Variants in SAMD11 observed in about 807,000 individuals in gnomAD.
The protein encoded by SAMD11 is sterile alpha motif domain-containing protein 11.
Under a neutral mutation model 64.4 loss-of-function variants are expected in SAMD11, and 77 were observed. The ratio of observed to expected loss-of-function variants is 1.20; its 90% CI spans 0.99 to 1.44. The LOEUF is 1.44. Among genes scored for constraint, SAMD11 ranks in the 40% most tolerant of loss-of-function variants. The pLI is 0.00. For missense variants in SAMD11, 1,402 were observed against 943.3 expected, an observed-to-expected ratio of 1.49 and a Z score of -6.37; for synonymous variants, 658 against 421.9, an observed-to-expected ratio of 1.56 and a Z score of -6.86.
At chr1:931,118 G>C (rs2100309926) in intron 4 of SAMD11, 29 bp downstream of exon 4, 2 of 1,606,358 alleles carry the variant, frequency 1.2e-6, no homozygotes, top group South Asian at 1.1e-5. Flanking sequence ...GTGCATAAGA[G>C]GGGGCCGTGA....
At position 943,799 on chromosome 1, in the gene SAMD11, C is replaced by A. The variant is rs1044227669; in HGVS notation, c.2280C>A (p.Ile760=). ...TGAAGCTGGGGCCCGCCCTCAAGAT[C>A]CGGGCCCAGGTGAGACGCTGGGGAG... The part of the protein sequence containing the change: ...MGLKLGPALK[I]RAQVARRLGR... Residue 760 remains isoleucine (I), a synonymous_variant, in exon 13 of 14, where the codon ATC becomes ATA. Transcript: ENST00000616016. 3.7e-6 allele frequency: 6 copies of A among 1,612,840 alleles called. No homozygotes were observed. Among genetic ancestry groups the A allele is most frequent in the Non-Finnish European group, 5.1e-6 (6 of 1,179,984 alleles).
At chr1:940,963 T>G in intron 7 of SAMD11, 181 bp from the exon 8 acceptor site, 1 of 525,940 alleles carries the variant, frequency 1.9e-6, no homozygotes, top group Non-Finnish European at 3.3e-6. Context: ...CCCAGCATCT[T>G]GTCTGCCGTC....
At position 943,678 on chromosome 1, in the gene SAMD11, T is replaced by TC. The variant is rs1557611971; in HGVS notation, c.2179-17dup. The stretch of plus-strand genomic sequence containing the variant: ...TGGAGCAGCACCCGGGTCCTGACCC[T>TC]CCCTCCCTCCCCCTTCCAGGTCTTC... On this transcript the variant is annotated intron_variant, in intron 12 of 13. Coordinates refer to ENST00000616016, the MANE Select transcript of SAMD11 (RefSeq NM_001385641.1). 2.1e-5 allele frequency: 25 copies of TC among 1,194,598 alleles called. No individual in the cohort carries two copies. Among genetic ancestry groups the TC allele is most frequent in the Non-Finnish European group, 1.4e-5 (12 of 861,924 alleles). 74.0% of individuals were successfully genotyped at this position (1,194,598 alleles called of 1,614,324 possible).
rs1381099827 is a variant in SAMD11, at chr1:930,158, C to T, written c.613C>T (p.Arg205Trp). Reference sequence around the variant, plus strand: ...TCCTCTCCTCCTGCCCCACCAGAACCGGGGGCGGCTGGCAGACAAGAGGAC... The same window carrying T: ...TCCTCTCCTCCTGCCCCACCAGAACTGGGGGCGGCTGGCAGACAAGAGGAC... ...PGCRISSPVN[R>W]GRLADKRTVA... The change falls in exon 3 of 14, where the codon CGG (arginine) becomes TGG (tryptophan). Residue 205 changes from arginine (R) to tryptophan (W), a missense_variant. Coordinates refer to ENST00000616016, the MANE Select transcript of SAMD11 (RefSeq NM_001385641.1). 19 of 1,555,374 alleles carry T rather than the reference C, an allele frequency of 1.2e-5. No homozygotes were observed. The highest frequency in any genetic ancestry group is 4.7e-5 in the South Asian group (4 of 84,542).
Position 944,483 on chromosome 1 carries a change from A to T in SAMD11, c.*330A>T. 3 of 685,276 alleles carry T rather than the reference A, an allele frequency of 4.4e-6. No individual in the cohort carries two copies. 42.4% of individuals were successfully genotyped at this position (685,276 alleles called of 1,614,324 possible). Reference sequence around the variant, plus strand: ...CGCGGAGCTGACTTCAGCAGCCCACAGCTGTGGGGCTTCAGCAGCCACACC... The same window carrying T: ...CGCGGAGCTGACTTCAGCAGCCCACTGCTGTGGGGCTTCAGCAGCCACACC... On this transcript the variant is annotated 3_prime_UTR_variant, in exon 14 of 14. Transcript: ENST00000616016.
At chr1:942,029 G>A (rs1440200291) in intron 8 of SAMD11, 107 bp from the exon 9 acceptor site, 1 of 434,842 alleles carries the variant, frequency 2.3e-6, no homozygotes, top group Non-Finnish European at 4.1e-6. Context: ...GCTGCGCATC[G>A]ACCGCCCGCG....
At position 941,293 on chromosome 1, in the gene SAMD11, T is replaced by C; in HGVS notation, c.1345T>C (p.Ser449Pro). 1 of 1,589,462 alleles carries C rather than the reference T, an allele frequency of 6.3e-7. No individual in the cohort carries two copies. Among genetic ancestry groups the C allele is most frequent in the Middle Eastern group, 1.8e-4 (1 of 5,512 alleles). ...REGAAPAAAP[S>P]FSERELPQPP... The stretch of plus-strand genomic sequence containing the variant: ...GGGCGCCGCCCCAGCTGCCGCCCCG[T>C]CCTTCTCGGAGAGGTACTGGGGTGG... The change falls in exon 8 of 14, where the codon TCC (serine) becomes CCC (proline). Residue 449 changes from serine to proline, a missense_variant. Physicochemically the swap from Ser to Pro is moderately conservative, Grantham distance 74. Coordinates refer to ENST00000616016, the MANE Select transcript of SAMD11 (RefSeq NM_001385641.1).
Position 944,291 on chromosome 1 carries a change from G to C in SAMD11, c.*138G>C, listed in dbSNP as rs541154315. ...TTTTAAAAGAAAATGTGACTTCAAA[G>C]GAAAGGAACAAATTTTCAAAGACTT... On this transcript the variant is annotated 3_prime_UTR_variant, in exon 14 of 14. Transcript: ENST00000616016. 4 of 1,418,474 alleles carry C rather than the reference G, an allele frequency of 2.8e-6. No homozygotes were observed. Among genetic ancestry groups the C allele is most frequent in the East Asian group, 2.6e-5 (1 of 37,946 alleles). 87.9% of individuals were successfully genotyped at this position (1,418,474 alleles called of 1,614,324 possible). A position where few individuals can be genotyped will look rare whatever the true frequency, so the allele number is the denominator to read the frequency against.
At chr1:927,478 G>A (rs140090175) in intron 2 of SAMD11, among the ~76,000 whole-genome samples, 126 of 152,246 alleles carry the variant, frequency 8.3e-4, no homozygotes, top group South Asian at 2.3e-3. Context: ...CCTGCCCTGC[G>A]TGAGGGACGG....
intron 4 of SAMD11, among the ~76,000 whole-genome samples, chr1:933,062 T>G (rs1040766302): frequency 6.6e-6 from 1 of 152,010 alleles, no homozygotes; most frequent in Non-Finnish European, 1.5e-5. Context: ...CCTGACTGCT[T>G]CTCCCAGCTT....
rs752507072 is a variant in SAMD11 at position 942,474 on chromosome 1, G to A, written c.1539G>A (p.Lys513=). ...CCTGGCAGCAGGAGCTCCTGCGGAAGCAGAACCTGGCCCGGTAGGTGCGGG... is the reference window on the plus strand; with the variant it reads ...CCTGGCAGCAGGAGCTCCTGCGGAAACAGAACCTGGCCCGGTAGGTGCGGG... ...MFAWQQELLR[K]QNLARLELPA... Residue 513 remains lysine (K), a synonymous_variant, in exon 10 of 14, where the codon AAG becomes AAA. Transcript: ENST00000616016. 26 of 1,487,566 alleles carry A rather than the reference G, an allele frequency of 1.7e-5. No individual in the cohort carries two copies. The highest frequency in any genetic ancestry group is 2.3e-4 in the Middle Eastern group (1 of 4,270). The allele number at this position is 1,487,566 out of a possible 1,614,324, so 92.1% of individuals were successfully genotyped here. A position where few individuals can be genotyped will look rare whatever the true frequency, so the allele number is the denominator to read the frequency against.
chr1:943,002 C>T lies in SAMD11; in HGVS notation c.1997C>T (p.Pro666Leu), dbSNP rs775081390. The change falls in exon 11 of 14, where the codon CCA (proline) becomes CTA (leucine). Residue 666 changes from proline to leucine, a missense_variant. Transcript: ENST00000616016. ...GGCGCCGAGGGGAAGGGGCTTTTCC[C>T]AGGGTCCACACTGCCCCTGGGCTTC... is the stretch of plus-strand genomic sequence containing the variant. ...GAGAEGKGLF[P>L]GSTLPLGFPY... is the part of the protein sequence containing the mutation. 2 of 1,540,556 alleles carry T rather than the reference C, an allele frequency of 1.3e-6. No homozygotes were observed. The highest frequency in any genetic ancestry group is 2.8e-5 in the African/African-American group (2 of 71,852).
intron 11 of SAMD11, 42 bp downstream of exon 11, chr1:943,100 A>C: frequency 6.4e-7 from 1 of 1,555,634 alleles, no homozygotes; most frequent in Non-Finnish European, 8.7e-7. Context: ...AGGGCACAGG[A>C]CTGGCAGGCC....
Position 935,766 on chromosome 1 carries a change from C to T in SAMD11, c.843-6C>T, listed in dbSNP as rs376758216. The T allele has an allele frequency of 3.9e-5, 63 of 1,613,154 alleles. No individual in the cohort carries two copies. In the East Asian group the frequency reaches 1.2e-3, roughly 30 times the overall value. On this transcript the variant is annotated splice_region_variant and splice_polypyrimidine_tract_variant and intron_variant, in intron 4 of 13. Coordinates refer to ENST00000616016, the MANE Select transcript of SAMD11 (RefSeq NM_001385641.1). ...GGGGTCAGCTTTTCCCGGTCTCGTT[C>T]TGCAGCCAGGACGGCAACCTTCCCA...
intron 5 of SAMD11, among the ~76,000 whole-genome samples, chr1:936,114 G>C (rs1297506919): frequency 6.6e-6 from 1 of 152,244 alleles, no homozygotes; most frequent in Admixed American, 6.5e-5. Context: ...CGCTGGGGTG[G>C]GCTTGGAGTA....
rs767676393 is a variant in SAMD11 at position 943,256 on chromosome 1, C to T, written c.2057C>T (p.Ala686Val). ...AGTAACACGCCCCACAACTCAGGCG[C>T]GGTAGGGGGACTCTCCATGGATGGG... ...YAVSPYFHTG[A>V]VGGLSMDGEE... The change falls in exon 12 of 14, where the codon GCG becomes GTG. Residue 686 changes from alanine (A) to valine (V), a missense_variant. Coordinates refer to ENST00000616016, the MANE Select transcript of SAMD11 (RefSeq NM_001385641.1). 6.2e-7 allele frequency: 1 copy of T among 1,612,824 alleles called. No homozygotes were observed. The highest frequency in any genetic ancestry group is 2.2e-5 in the East Asian group (1 of 44,854).
intron 3 of SAMD11, among the ~76,000 whole-genome samples, chr1:930,647 C>T (rs1006083218): frequency 1.3e-5 from 2 of 152,344 alleles, no homozygotes; most frequent in East Asian, 1.9e-4. Flanking sequence ...CCAGTCTGGC[C>T]AGAGAGCAGC....
Position 943,747 on chromosome 1 carries a change from A to G in SAMD11, c.2228A>G (p.Glu743Gly), listed in dbSNP as rs372894077. 6.2e-7 allele frequency: 1 copy of G among 1,609,252 alleles called. No individual in the cohort carries two copies. Among genetic ancestry groups the G allele is most frequent in the African/African-American group, 1.3e-5 (1 of 74,820 alleles). Residue 743 changes from glutamate to glycine, a missense_variant, in exon 13 of 14, where the codon GAG becomes GGG. Physicochemically the swap from Glu to Gly is moderately conservative, Grantham distance 98. Coordinates refer to ENST00000616016, the MANE Select transcript of SAMD11 (RefSeq NM_001385641.1). ...GGGGAGACCCTGCCACTGCTGACGG[A>G]GGAGCACCTGCTGACCAACATGGGG... is the stretch of plus-strand genomic sequence containing the variant. The part of the protein sequence containing the change: ...IDGETLPLLT[E>G]EHLLTNMGLK...
chr1:925,662 G>C, intron 1 of SAMD11: 1 of 402,158 alleles, frequency 2.5e-6, no homozygotes, highest in East Asian at 5.1e-5. Context: ...TGGAGCGCGG[G>C]AGGAGGGGCG....
Sources: allele counts gnomAD v4.1 joint callset (sites outside exome capture counted in the v4.1 genomes callset), GRCh38; gene constraint gnomAD v4.1.1; transcripts MANE v1.5; gene names NCBI Gene and HGNC (gene_info 2026-07-23, HGNC 2026-07-21).